The following OR1I1 variants were observed in gnomAD, a reference collection of about 807,000 sequenced individuals.
The protein encoded by OR1I1 is olfactory receptor family 1 subfamily I member 1.
For synonymous variants in OR1I1, 171 were observed against 181.4 expected (o/e 0.94, Z 0.46); for missense variants, 451 against 443.6 (o/e 1.02, Z -0.15).
chr19:15,083,438 G>A (rs990367140), intron 1 of OR1I1, among the ~76,000 whole-genome samples: 2 of 152,110 alleles, frequency 1.3e-5, no homozygotes, highest in Non-Finnish European at 2.9e-5. Flanking sequence ...ACCCTGAAGC[G>A]TGCTCAAGGT....
At position 15,088,065 on chromosome 19, in the gene OR1I1, A is replaced by G; in HGVS notation, c.1000A>G (p.Thr334Ala). 1 of 1,587,492 alleles carries G rather than the reference A, an allele frequency of 6.3e-7. No homozygotes were observed. Among genetic ancestry groups the G allele is most frequent in the Non-Finnish European group, 8.6e-7 (1 of 1,161,256 alleles). ...VPGSLLAARD[T>A]EMHPIPYPGG... ...AGGATCACTGTTGGCTGCTAGGGAC[A>G]CAGAGATGCATCCCATCCCCTACCC... The change falls in exon 2 of 2, where the codon ACA (threonine) becomes GCA (alanine). Residue 334 changes from threonine (T) to alanine (A), a missense_variant. By Grantham distance (58) the Thr-to-Ala change is moderately conservative. Transcript: ENST00000641398.
In OR1I1 at chr19:15,087,728, T is replaced by A. The variant is rs1231751272; in HGVS notation, c.663T>A (p.Ile221=). Residue 221 remains isoleucine, a synonymous_variant, in exon 2 of 2, where the codon ATT becomes ATA. Coordinates refer to ENST00000641398, the MANE Select transcript of OR1I1 (RefSeq NM_001004713.2). ...GCATCCTTCTCTCGTACATCCGCAT[T>A]TTCTGGACAGTCTTTAAGATCCCTT... ...FSCILLSYIR[I]FWTVFKIPST... 1 of 1,614,212 alleles carries A rather than the reference T, an allele frequency of 6.2e-7. No individual in the cohort carries two copies. Among genetic ancestry groups the A allele is most frequent in the African/African-American group, 1.3e-5 (1 of 75,058 alleles).
chr19:15,084,938 T>C (rs539245959), intron 1 of OR1I1, among the ~76,000 whole-genome samples: 66 of 151,464 alleles, frequency 4.4e-4, no homozygotes, highest in Admixed American at 1.1e-3. Flanking sequence ...GAGCTGTGAT[T>C]GTGCCACCGC....
rs2046260830 is a variant in OR1I1, at chr19:15,092,320, G to GC, written c.*4190dup. 1.3e-5 allele frequency: 2 copies of GC among 152,262 alleles called. No homozygotes were observed. The highest frequency in any genetic ancestry group is 4.8e-5 in the African/African-American group (2 of 41,384). The allele number at this position is 152,262 out of a possible 1,614,324, so 9.4% of individuals were successfully genotyped here. The stretch of plus-strand genomic sequence containing the variant: ...GACAGGGAAGCTGGGTTTGCAGGGG[G>GC]CCCGTGGAGGGCACTGGGAGTAACA... On this transcript the variant is annotated 3_prime_UTR_variant, in exon 2 of 2. Transcript: ENST00000641398.
At chr19:15,085,304 G>T (rs2037870711) in intron 1 of OR1I1, among the ~76,000 whole-genome samples, 1 of 151,094 alleles carries the variant, frequency 6.6e-6, no homozygotes, top group African/African-American at 2.4e-5. Context: ...CCAAGTAGCT[G>T]GGATTACAGG....
Position 15,087,387 on chromosome 19 carries a change from G to A in OR1I1, c.322G>A (p.Gly108Arg), listed in dbSNP as rs1310705562. 6 of 1,614,006 alleles carry A rather than the reference G, an allele frequency of 3.7e-6. No homozygotes were observed. Among genetic ancestry groups the A allele is most frequent in the East Asian group, 2.2e-5 (1 of 44,886 alleles). Residue 108 changes from glycine (G) to arginine (R), a missense_variant, in exon 2 of 2, where the codon GGG becomes AGG. Physicochemically the swap from Gly to Arg is moderately radical, Grantham distance 125 (BLOSUM62 -2). Coordinates refer to ENST00000641398, the MANE Select transcript of OR1I1 (RefSeq NM_001004713.2). The part of the protein sequence containing the change: ...LTQMYAFHLF[G>R]TMDSFLLAVM... ...CCAGATGTATGCCTTCCACCTGTTC[G>A]GGACCATGGACAGCTTTCTCCTGGC...
In OR1I1 at chr19:15,085,176, A is replaced by ATATATATGTTTT. The variant is rs1555717400; in HGVS notation, c.-13-1876_-13-1875insATATATGTTTTT. Reference sequence around the variant, plus strand: ...TATATATATATATATATATATATATATTTTTTTTTTTGAGACAGAGTTTCG... The same window carrying ATATATATGTTTT: ...TATATATATATATATATATATATATATATATATGTTTTTTTTTTTTTTTGAGACAGAGTTTCG... On this transcript the variant is annotated intron_variant, in intron 1 of 1. Transcript: ENST00000641398. 3.3e-3 allele frequency among the ~76,000 whole-genome samples: 266 copies of ATATATATGTTTT among 80,098 alleles called. 30 individuals carry two copies. The highest frequency in any genetic ancestry group is 0.018 in the Middle Eastern group (2 of 114). The allele number at this position is 80,098 out of a possible 152,430, so 52.5% of individuals were successfully genotyped here. A position where few individuals can be genotyped will look rare whatever the true frequency, so the allele number is the denominator to read the frequency against.
rs933704554 is a variant in OR1I1, at chr19:15,088,284, G to A, written c.*151G>A. On this transcript the variant is annotated 3_prime_UTR_variant, in exon 2 of 2. Coordinates refer to ENST00000641398, the MANE Select transcript of OR1I1 (RefSeq NM_001004713.2). ...AAACTGGCCTGAAATTAGCCCTCCT[G>A]GAGGATCAGCCTTTTAGGATTGCTA... The A allele has an allele frequency of 3.4e-6, 3 of 886,258 alleles. No homozygotes were observed. Among genetic ancestry groups the A allele is most frequent in the African/African-American group, 3.4e-5 (2 of 59,308 alleles). 54.9% of individuals were successfully genotyped at this position (886,258 alleles called of 1,614,324 possible).
Position 15,087,081 on chromosome 19 carries a change from CA to C in OR1I1, c.19del (p.Thr7ProfsTer76). Reference protein sequence around the residue: MEPEKQTEISEFFLQG... With the variant: MEPEKXTEISEFFLQG... Reference sequence around the variant, plus strand: ...CAGACCATACATGGAACCAGAAAAGCAAACCGAAATCTCAGAATTCTTCCTC... The same window carrying C: ...CAGACCATACATGGAACCAGAAAAGCAACCGAAATCTCAGAATTCTTCCTC... On this transcript the variant is annotated frameshift_variant, in exon 2 of 2. Transcript: ENST00000641398. LOFTEE classifies it low-confidence loss of function (END_TRUNC). The C allele has an allele frequency of 6.2e-7, 1 of 1,611,562 alleles. No individual in the cohort carries two copies. The highest frequency in any genetic ancestry group is 8.5e-7 in the Non-Finnish European group (1 of 1,178,524).
chr19:15,085,130 TTATATATATATATATATATATA>T (rs775570074), intron 1 of OR1I1, among the ~76,000 whole-genome samples: 6 of 28,540 alleles, frequency 2.1e-4, no homozygotes, highest in East Asian at 1.5e-3. Flanking sequence ...CATTTTTGAC[TTATATATATATATATATATATA>T]TATATATATA....
rs2046233017 is a variant in OR1I1 at position 15,087,155 on chromosome 19, G to A, written c.90G>A (p.Met30Ile). 2 of 1,613,894 alleles carry A rather than the reference G, an allele frequency of 1.2e-6. No homozygotes were observed. The highest frequency in any genetic ancestry group is 1.1e-5 in the South Asian group (1 of 91,086). Residue 30 changes from methionine to isoleucine, a missense_variant, in exon 2 of 2, where the codon ATG becomes ATA. Transcript: ENST00000641398. ...AGCATCAGACCCTCCTCTTCACAAT[G>A]TTCCTCTCCACATACCTGGTCACCA... ...KPEHQTLLFT[M>I]FLSTYLVTII... is the part of the protein sequence containing the mutation.
chr19:15,088,709 T>TAGATAGATAGAC lies in OR1I1; in HGVS notation c.*579_*580insTAGATAGACAGA, dbSNP rs1555717750. 12 of 40,612 alleles carry TAGATAGATAGAC rather than the reference T, an allele frequency of 3.0e-4. No individual in the cohort carries two copies. The highest frequency in any genetic ancestry group is 5.4e-4 in the African/African-American group (12 of 22,166). The allele number at this position is 40,612 out of a possible 1,614,324, so 2.5% of individuals were successfully genotyped here. A position where few individuals can be genotyped will look rare whatever the true frequency, so the allele number is the denominator to read the frequency against. On this transcript the variant is annotated 3_prime_UTR_variant, in exon 2 of 2. Transcript: ENST00000641398. ...ATAGATAGATAGATAGATAGATAGA[T>TAGATAGATAGAC]AGACAGACAGATAGATAGAGAGGAT...
Position 15,088,709 on chromosome 19 carries a change from T to C in OR1I1, c.*576T>C, listed in dbSNP as rs13345097. 0.16 allele frequency: 6,680 copies of C among 40,634 alleles called. 495 individuals are homozygous for C. The highest frequency in any genetic ancestry group is 0.27 in the African/African-American group (6,034 of 22,198). 2.5% of individuals were successfully genotyped at this position (40,634 alleles called of 1,614,324 possible). ...ATAGATAGATAGATAGATAGATAGA[T>C]AGACAGACAGATAGATAGAGAGGAT... is the stretch of plus-strand genomic sequence containing the variant. On this transcript the variant is annotated 3_prime_UTR_variant, in exon 2 of 2. Transcript: ENST00000641398.
In OR1I1 at chr19:15,089,825, G is replaced by C. The variant is rs1272189269; in HGVS notation, c.*1692G>C. 1 of 152,018 alleles carries C rather than the reference G, an allele frequency of 6.6e-6. No homozygotes were observed. The allele number at this position is 152,018 out of a possible 1,614,324, so 9.4% of individuals were successfully genotyped here. ...CACTCCAGCCTGGGAAACAGAGCAAGGCCCTGTCTGCAAAAGTAATAATAA... is the reference window on the plus strand; with the variant it reads ...CACTCCAGCCTGGGAAACAGAGCAACGCCCTGTCTGCAAAAGTAATAATAA... On this transcript the variant is annotated 3_prime_UTR_variant, in exon 2 of 2. Transcript: ENST00000641398.
In OR1I1 at chr19:15,089,865, T is replaced by C. The variant is rs917233033; in HGVS notation, c.*1732T>C. Reference sequence around the variant, plus strand: ...AGTAATAATAATAAAATAAAAAAGATATGTTGAAGTCCTAACCCCAAGGAC... The same window carrying C: ...AGTAATAATAATAAAATAAAAAAGACATGTTGAAGTCCTAACCCCAAGGAC... On this transcript the variant is annotated 3_prime_UTR_variant, in exon 2 of 2. Coordinates refer to ENST00000641398, the MANE Select transcript of OR1I1 (RefSeq NM_001004713.2). 1 of 151,962 alleles carries C rather than the reference T, an allele frequency of 6.6e-6. No individual in the cohort carries two copies. Among genetic ancestry groups the C allele is most frequent in the African/African-American group, 2.4e-5 (1 of 41,364 alleles). 9.4% of individuals were successfully genotyped at this position (151,962 alleles called of 1,614,324 possible).
chr19:15,088,093 G>A lies in OR1I1; in HGVS notation c.1028G>A (p.Gly343Glu), dbSNP rs1284152097. ...GAGATGCATCCCATCCCCTACCCTG[G>A]AGGAGTTCAGAGTCTAGCTGGGAAC... ...DTEMHPIPYP[G>E]GVQSLAGNRD... The change falls in exon 2 of 2, where the codon GGA becomes GAA. Residue 343 changes from glycine (G) to glutamate (E), a missense_variant. Physicochemically the swap from Gly to Glu is moderately conservative, Grantham distance 98. Transcript: ENST00000641398. 6.4e-7 allele frequency: 1 copy of A among 1,559,430 alleles called. No individual in the cohort carries two copies. The highest frequency in any genetic ancestry group is 8.7e-7 in the Non-Finnish European group (1 of 1,145,818).
At position 15,091,957 on chromosome 19, in the gene OR1I1, T is replaced by A. The variant is rs940857955; in HGVS notation, c.*3824T>A. ...GTACAGAGATACAGGAGAACCAGAT[T>A]TGGGGTGCCGCTCTAGCCACTGTGT... On this transcript the variant is annotated 3_prime_UTR_variant, in exon 2 of 2. Transcript: ENST00000641398. The A allele has an allele frequency of 6.6e-6, 1 of 151,862 alleles. No individual in the cohort carries two copies. Among genetic ancestry groups the A allele is most frequent in the African/African-American group, 2.4e-5 (1 of 41,298 alleles). 9.4% of individuals were successfully genotyped at this position (151,862 alleles called of 1,614,324 possible).
rs537423650 is a variant in OR1I1 at position 15,092,087 on chromosome 19, C to CTTTTTTTTTTTTTTTTTTTTTTTTTT, written c.*3977_*3978insTTTTTTTTTTTTTTTTTTTTTTTTTT. 4.7e-4 allele frequency: 23 copies of CTTTTTTTTTTTTTTTTTTTTTTTTTT among 49,016 alleles called. No individual in the cohort carries two copies. The highest frequency in any genetic ancestry group is 1.7e-3 in the African/African-American group (18 of 10,740). The allele number at this position is 49,016 out of a possible 1,614,324, so 3.0% of individuals were successfully genotyped here. On this transcript the variant is annotated 3_prime_UTR_variant, in exon 2 of 2. Transcript: ENST00000641398. ...CATTTCACAAATTGGATTTAAAACG[C>CTTTTTTTTTTTTTTTTTTTTTTTTTT]TTTTTTTTTTTTTTTTTTTTTTTGG...
chr19:15,088,794 T>TAGATAGATAGATAGATAGATAGAC lies in OR1I1; in HGVS notation c.*684_*685insCAGATAGATAGATAGATAGATAGA, dbSNP rs1568323033. 6 of 104,004 alleles carry TAGATAGATAGATAGATAGATAGAC rather than the reference T, an allele frequency of 5.8e-5. No homozygotes were observed. The highest frequency in any genetic ancestry group is 1.3e-4 in the African/African-American group (4 of 31,670). 6.4% of individuals were successfully genotyped at this position (104,004 alleles called of 1,614,324 possible). A position where few individuals can be genotyped will look rare whatever the true frequency, so the allele number is the denominator to read the frequency against. On this transcript the variant is annotated 3_prime_UTR_variant, in exon 2 of 2. Transcript: ENST00000641398. ...ATATGTAGATAGATAGATAGATAGA[T>TAGATAGATAGATAGATAGATAGAC]AGATAGATAGATAGATAGATAGATA...
Sources: allele counts gnomAD v4.1 joint callset (sites outside exome capture counted in the v4.1 genomes callset), GRCh38; gene constraint gnomAD v4.1.1; transcripts MANE v1.5; gene names NCBI Gene and HGNC (gene_info 2026-07-23, HGNC 2026-07-21).